The following IFT172 variants were observed in gnomAD, a reference collection of about 807,000 sequenced individuals.
The protein encoded by IFT172 is intraflagellar transport 172.
In IFT172, 164 loss-of-function variants were observed where a neutral mutation model predicts 248.9. The observed-to-expected ratio is 0.66, with a 90% confidence interval of 0.58 to 0.75. IFT172 has a LOEUF of 0.75. IFT172 is among the 30% of genes least tolerant of loss of function. The pLI is 0.00. For missense variants in IFT172, 1,950 were observed against 2,192.4 expected (o/e 0.89, Z 2.21); for synonymous variants, 729 against 791.6 (o/e 0.92, Z 1.33).
rs770131441 is a variant in IFT172, at chr2:27,447,835, G to A, written c.4516C>T (p.Leu1506Phe). 6.2e-7 allele frequency: 1 copy of A among 1,613,316 alleles called. No homozygotes were observed. The highest frequency in any genetic ancestry group is 1.1e-5 in the South Asian group (1 of 91,072). Reference protein sequence around the residue: ...CAEAYHSWADLRDVLFNLCEN... With the variant: ...CAEAYHSWADFRDVLFNLCEN... ...ACCAGGTTGAAGAGGACATCTCGAA[G>A]ATCAGCCCAGCTATGATAGGCCTCG... Residue 1506 changes from leucine (L) to phenylalanine (F), a missense_variant, in exon 41 of 48, where the codon CTT becomes TTT. Physicochemically the swap from Leu to Phe is conservative, Grantham distance 22. Around this residue, in one of 3 missense-constraint regions of IFT172, gnomAD observed 620 missense variants for 699.0 expected, o/e 0.89. Coordinates refer to ENST00000260570, the MANE Select transcript of IFT172 (RefSeq NM_015662.3).
chr2:27,478,717 A>C (rs971439156), intron 10 of IFT172, among the ~76,000 whole-genome samples: 1 of 152,250 alleles, frequency 6.6e-6, no homozygotes, highest in African/African-American at 2.4e-5. Flanking sequence ...AACACTGCTG[A>C]CACATAGTAG....
At chr2:27,481,009 A>C (rs1558410608) in intron 8 of IFT172, 37 bp downstream of exon 8, 6 of 1,526,044 alleles carry the variant, frequency 3.9e-6, no homozygotes, top group Non-Finnish European at 5.4e-6. Context: ...GTTCGCAGGG[A>C]AAGTAGGCAG....
At chr2:27,487,410 T>C (rs556088711) in intron 1 of IFT172, among the ~76,000 whole-genome samples, 2 of 152,314 alleles carry the variant, frequency 1.3e-5, no homozygotes, top group African/African-American at 4.8e-5. Context: ...AACAAGTACT[T>C]ACCATAGAAT....
chr2:27,482,646 TC>T (rs1261904728), intron 7 of IFT172, among the ~76,000 whole-genome samples: 1 of 152,216 alleles, frequency 6.6e-6, no homozygotes, highest in Non-Finnish European at 1.5e-5. Context: ...TTCCTTTTTA[TC>T]CCCCATCTTT....
At chr2:27,483,219 G>A in intron 7 of IFT172, 70 bp downstream of exon 7, 1 of 880,428 alleles carries the variant, frequency 1.1e-6, no homozygotes, top group Non-Finnish European at 1.9e-6. Context: ...GTTTCACTGT[G>A]TTGCCCATGC....
chr2:27,461,220 A>C, intron 22 of IFT172, 49 bp downstream of exon 22: 2 of 1,612,348 alleles, frequency 1.2e-6, no homozygotes, highest in Non-Finnish European at 1.7e-6. Context: ...GGGTAAGGGA[A>C]GGGTCCTGAG....
In IFT172 at chr2:27,476,950, A is replaced by G. The variant is rs572142298; in HGVS notation, c.1326-224T>C. Reference sequence around the variant, plus strand: ...GTGATTCTCCTACCTCACCTTCCTGAGTAACTGGGACTACAGGGGTGTGCC... The same window carrying G: ...GTGATTCTCCTACCTCACCTTCCTGGGTAACTGGGACTACAGGGGTGTGCC... On this transcript the variant is annotated intron_variant, in intron 13 of 47. Coordinates refer to ENST00000260570, the MANE Select transcript of IFT172 (RefSeq NM_015662.3). 170 of 588,608 alleles carry G rather than the reference A, an allele frequency of 2.9e-4. 1 individual carries two copies. The highest frequency in any genetic ancestry group is 4.5e-4 in the Non-Finnish European group (150 of 332,868). The allele number at this position is 588,608 out of a possible 1,614,324, so 36.5% of individuals were successfully genotyped here.
rs111315397 is a variant in IFT172, at chr2:27,481,454, T to C, written c.571-194A>G. On this transcript the variant is annotated intron_variant, in intron 7 of 47. Transcript: ENST00000260570. Reference sequence around the variant, plus strand: ...ACACACACACACACACACACACACATACACACACACACACACCCCTATACA... The same window carrying C: ...ACACACACACACACACACACACACACACACACACACACACACCCCTATACA... 0.027 allele frequency among the ~76,000 whole-genome samples: 3,618 copies of C among 135,590 alleles called. 141 individuals are homozygous for C. Among genetic ancestry groups the C allele is most frequent in the African/African-American group, 0.092 (3,355 of 36,384 alleles). The allele number at this position is 135,590 out of a possible 152,430, so 89.0% of individuals were successfully genotyped here. A position where few individuals can be genotyped will look rare whatever the true frequency, so the allele number is the denominator to read the frequency against.
At chr2:27,469,852 C>T (rs745510293) in intron 16 of IFT172, among the ~76,000 whole-genome samples, 2 of 151,724 alleles carry the variant, frequency 1.3e-5, no homozygotes, top group Non-Finnish European at 2.9e-5. Flanking sequence ...ATAATCATGC[C>T]TAACTTTGGA....
At position 27,471,310 on chromosome 2, in the gene IFT172, G is replaced by A. The variant is rs182395084; in HGVS notation, c.1525-215C>T. On this transcript the variant is annotated intron_variant, in intron 15 of 47. Coordinates refer to ENST00000260570, the MANE Select transcript of IFT172 (RefSeq NM_015662.3). ...CATAGAACAAAGATCTACATCCCAG[G>A]AATTTTAAGTTAGGTGAAGGTCAGA... 2.3e-3 allele frequency: 962 copies of A among 415,812 alleles called. 3 individuals are homozygous for A. The highest frequency in any genetic ancestry group is 3.1e-3 in the Non-Finnish European group (747 of 237,594). 25.8% of individuals were successfully genotyped at this position (415,812 alleles called of 1,614,324 possible).
At chr2:27,489,523 A>G in intron 1 of IFT172, 92 bp downstream of exon 1, 1 of 918,878 alleles carries the variant, frequency 1.1e-6, no homozygotes, top group Non-Finnish European at 1.8e-6. Flanking sequence ...CCTTCTGCAC[A>G]CAGTAGGAGG....
intron 35 of IFT172, among the ~76,000 whole-genome samples, chr2:27,451,763 C>T (rs1198876549): frequency 6.6e-6 from 1 of 152,062 alleles, no homozygotes; most frequent in East Asian, 1.9e-4. Flanking sequence ...AAGACTCCGT[C>T]TCAAAAAACA....
At position 27,461,742 on chromosome 2, in the gene IFT172, G is replaced by A; in HGVS notation, c.2193+17C>T. ...GAACCAAATTCTGAACAACTGTGGA[G>A]AAGATAAAACAGGTACCTTGGCTTC... On this transcript the variant is annotated intron_variant, in intron 21 of 47. Transcript: ENST00000260570. 3 of 1,614,076 alleles carry A rather than the reference G, an allele frequency of 1.9e-6. No homozygotes were observed. The highest frequency in any genetic ancestry group is 1.6e-4 in the Middle Eastern group (1 of 6,062).
At chr2:27,483,820 A>G (rs1668557969) in intron 5 of IFT172, 52 bp downstream of exon 5, 2 of 1,513,864 alleles carry the variant, frequency 1.3e-6, no homozygotes, top group Admixed American at 1.7e-5. Flanking sequence ...TCCTCTCTCC[A>G]GAACCATTAT....
rs895070543 is a variant in IFT172, at chr2:27,459,691, A to G, written c.2642+18T>C. ...CACTTCACACCTAAATCTCCTTTACATTCCCATACTCCCATACCTGGCTTC... is the reference window on the plus strand; with the variant it reads ...CACTTCACACCTAAATCTCCTTTACGTTCCCATACTCCCATACCTGGCTTC... On this transcript the variant is annotated intron_variant, in intron 24 of 47. Transcript: ENST00000260570. The G allele has an allele frequency of 6.2e-7, 1 of 1,611,324 alleles. No individual in the cohort carries two copies. Among genetic ancestry groups the G allele is most frequent in the South Asian group, 1.1e-5 (1 of 91,056 alleles).
chr2:27,464,368 A>G (rs919989846), intron 18 of IFT172, among the ~76,000 whole-genome samples: 1 of 152,190 alleles, frequency 6.6e-6, no homozygotes, highest in Non-Finnish European at 1.5e-5. Flanking sequence ...TATTCTACAC[A>G]GAGAAAATCA....
At chr2:27,478,265 T>C in intron 10 of IFT172, 109 bp from the exon 11 acceptor site, 1 of 1,286,186 alleles carries the variant, frequency 7.8e-7, no homozygotes, top group Non-Finnish European at 1.1e-6. Context: ...TAATACCTTG[T>C]TTCTTCCCTG....
At position 27,457,973 on chromosome 2, in the gene IFT172, T is replaced by G; in HGVS notation, c.2979A>C (p.Leu993=). 1 of 1,614,166 alleles carries G rather than the reference T, an allele frequency of 6.2e-7. No homozygotes were observed. The highest frequency in any genetic ancestry group is 8.5e-7 in the Non-Finnish European group (1 of 1,180,024). The change falls in exon 28 of 48, where the codon CTA becomes CTC. Residue 993 remains leucine, a synonymous_variant. Transcript: ENST00000260570. ...KQGKYREAER[L]YVTVQEPDLA... ...GATCAGGCTCTTGTACTGTCACATATAGCCTGGGGAAGGAGATACATCTGG... is the reference window on the plus strand; with the variant it reads ...GATCAGGCTCTTGTACTGTCACATAGAGCCTGGGGAAGGAGATACATCTGG...
chr2:27,466,955 C>T (rs1426391603), intron 16 of IFT172, among the ~76,000 whole-genome samples: 1 of 151,324 alleles, frequency 6.6e-6, no homozygotes. Context: ...TTTGCTCATG[C>T]AGTGAGCCAT....
Sources: gnomAD v4.1 joint callset for allele counts (sites outside exome capture counted in the v4.1 genomes callset) on GRCh38, gnomAD v4.1.1 for gene constraint, gnomAD v4.1.1 regional missense constraint, MANE v1.5 for transcripts, NCBI Gene and HGNC (gene_info 2026-07-23, HGNC 2026-07-21) for gene names.